The following IRAK2 variants were observed in gnomAD, a reference collection of about 807,000 sequenced individuals.
IRAK2 encodes the protein interleukin-1 receptor-associated kinase-like 2.
In IRAK2, 57 loss-of-function variants were observed where a neutral mutation model predicts 72.0. The ratio of observed to expected loss-of-function variants is 0.79; its 90% CI spans 0.64 to 0.99. The LOEUF is 0.99. IRAK2 is among the 50% of genes least tolerant of loss of function. The probability of loss-of-function intolerance (pLI) is 0.00; values close to 1 mark genes in which losing one functional copy is unlikely to be tolerated. For missense variants in IRAK2, 790 were observed against 794.4 expected (o/e 0.99, Z 0.07); for synonymous variants, 293 against 312.7 (o/e 0.94, Z 0.67).
At chr3:10,183,677 C>T (rs1193510649) in intron 2 of IRAK2, among the ~76,000 whole-genome samples, 1 of 152,090 alleles carries the variant, frequency 6.6e-6, no homozygotes, top group African/African-American at 2.4e-5. Context: ...GCCAAGATGG[C>T]ACCACTGCAC....
intron 7 of IRAK2, among the ~76,000 whole-genome samples, chr3:10,218,446 C>CAAA (rs367761619): frequency 0.049 from 6,468 of 131,672 alleles, 499 homozygotes; most frequent in African/African-American, 0.1. Context: ...AAAAAAAAAA[C>CAAA]CAAAACGGTG....
chr3:10,199,982 G>A (rs1164359861), intron 2 of IRAK2, among the ~76,000 whole-genome samples: 3 of 148,710 alleles, frequency 2.0e-5, no homozygotes, highest in Non-Finnish European at 3.0e-5. Flanking sequence ...CCGCCTCCCC[G>A]GTTCAAGTGA....
chr3:10,171,683 GC>G (rs146979890), intron 1 of IRAK2, among the ~76,000 whole-genome samples: 27,518 of 149,330 alleles, frequency 0.18, 2,943 homozygotes, highest in Admixed American at 0.27. Flanking sequence ...ATTTCTTGAA[GC>G]CAAGAGTTTG....
At chr3:10,176,663 G>C (rs1283847382) in intron 1 of IRAK2, among the ~76,000 whole-genome samples, 2 of 149,620 alleles carry the variant, frequency 1.3e-5, no homozygotes, top group Non-Finnish European at 3.0e-5. Context: ...ATTTTTAGTA[G>C]AGACGAGGTT....
chr3:10,217,725 C>T (rs533697276), intron 7 of IRAK2, among the ~76,000 whole-genome samples: 1 of 152,258 alleles, frequency 6.6e-6, no homozygotes, highest in Admixed American at 6.5e-5. Context: ...TAAAACAGGT[C>T]TTCTGCTTAT....
chr3:10,183,720 AAAATAAAT>A (rs71055805), intron 2 of IRAK2, among the ~76,000 whole-genome samples: 1 of 151,004 alleles, frequency 6.6e-6, no homozygotes, highest in Non-Finnish European at 1.5e-5. Context: ...ACTCCGTCTC[AAAATAAAT>A]AAATAAATAA....
intron 1 of IRAK2, among the ~76,000 whole-genome samples, chr3:10,165,816 C>T (rs1295619857): frequency 6.6e-6 from 1 of 151,078 alleles, no homozygotes; most frequent in Non-Finnish European, 1.5e-5. Context: ...TTGCAAGCTC[C>T]GCCTCCCGGG....
chr3:10,220,661 G>T (rs1475465861), intron 8 of IRAK2, among the ~76,000 whole-genome samples: 1 of 151,912 alleles, frequency 6.6e-6, no homozygotes, highest in Non-Finnish European at 1.5e-5. Context: ...GGCTAGTGTC[G>T]AACTCCTGAC....
At position 10,213,288 on chromosome 3, in the gene IRAK2, G is replaced by A. The variant is rs1559448715; in HGVS notation, c.610G>A (p.Val204Ile). Residue 204 changes from valine (V) to isoleucine (I), a missense_variant, in exon 5 of 13, where the codon GTC becomes ATC. Physicochemically the swap from Val to Ile is conservative, Grantham distance 29. Transcript: ENST00000256458. ...DSLFWSEADV[V>I]QATDDFNQNR... is the part of the protein sequence containing the mutation. Reference sequence around the variant, plus strand: ...CCTTTTCTGGAGTGAGGCAGACGTGGTCCAGGCAACCGATGACTTCAATCA... The same window carrying A: ...CCTTTTCTGGAGTGAGGCAGACGTGATCCAGGCAACCGATGACTTCAATCA... 2.5e-6 allele frequency: 4 copies of A among 1,614,144 alleles called. No homozygotes were observed. Among genetic ancestry groups the A allele is most frequent in the Admixed American group, 1.7e-5 (1 of 60,020 alleles).
At chr3:10,231,095 C>T (rs1022446196) in intron 10 of IRAK2, among the ~76,000 whole-genome samples, 1 of 152,004 alleles carries the variant, frequency 6.6e-6, no homozygotes, top group Non-Finnish European at 1.5e-5. Flanking sequence ...GGTCTTGTTA[C>T]GTTGCCCAGG....
intron 2 of IRAK2, among the ~76,000 whole-genome samples, chr3:10,178,981 TTG>T (rs1468370845): frequency 2.0e-5 from 3 of 152,132 alleles, no homozygotes; most frequent in Non-Finnish European, 4.4e-5. Flanking sequence ...TTTCATTTTT[TTG>T]TAGAGATCCA....
chr3:10,224,736 C>CCACCTACCCACA (rs1559451654), intron 9 of IRAK2, among the ~76,000 whole-genome samples: 16 of 58,464 alleles, frequency 2.7e-4, no homozygotes, highest in South Asian at 5.9e-4. Context: ...ACCCATCCAT[C>CCACCTACCCACA]CATCCATCCA....
intron 10 of IRAK2, among the ~76,000 whole-genome samples, chr3:10,226,694 G>A (rs1040807033): frequency 2.6e-5 from 4 of 151,944 alleles, no homozygotes; most frequent in Admixed American, 1.3e-4. Flanking sequence ...GATGTGGGTG[G>A]ATCATTTGAG....
At chr3:10,241,202 G>A (rs563819253) in intron 12 of IRAK2, among the ~76,000 whole-genome samples, 3 of 151,004 alleles carry the variant, frequency 2.0e-5, no homozygotes, top group Non-Finnish European at 4.4e-5. Flanking sequence ...TTGAGCCCAG[G>A]AGTATAAAGA....
chr3:10,187,312 A>G (rs1697091319), intron 2 of IRAK2, among the ~76,000 whole-genome samples: 2 of 152,116 alleles, frequency 1.3e-5, no homozygotes, highest in African/African-American at 4.8e-5. Flanking sequence ...TCTGGCAAAG[A>G]CTAGTTGAAA....
chr3:10,183,126 T>C (rs911052837), intron 2 of IRAK2, among the ~76,000 whole-genome samples: 3 of 152,198 alleles, frequency 2.0e-5, no homozygotes, highest in Non-Finnish European at 4.4e-5. Context: ...AAAACAGTAC[T>C]TGAAAGCCCC....
intron 8 of IRAK2, among the ~76,000 whole-genome samples, chr3:10,222,200 T>G (rs1041031215): frequency 6.6e-6 from 1 of 152,202 alleles, no homozygotes; most frequent in Non-Finnish European, 1.5e-5. Flanking sequence ...GAGGGAATTT[T>G]TTTTTCTTTC....
chr3:10,174,923 T>A (rs533464208), intron 1 of IRAK2, among the ~76,000 whole-genome samples: 28 of 121,522 alleles, frequency 2.3e-4, no homozygotes, highest in Admixed American at 1.8e-3. Context: ...CAGTGGTTCA[T>A]GCCTGTACCA....
intron 2 of IRAK2, among the ~76,000 whole-genome samples, chr3:10,184,984 G>A (rs1476704742): frequency 6.6e-6 from 1 of 150,674 alleles, no homozygotes; most frequent in Non-Finnish European, 1.5e-5. Context: ...GCCCGCCTTG[G>A]CCTCCCAAAG....
Sources: gnomAD v4.1 joint callset for allele counts (sites outside exome capture counted in the v4.1 genomes callset) on GRCh38, gnomAD v4.1.1 for gene constraint, MANE v1.5 for transcripts, NCBI Gene and HGNC (gene_info 2026-07-23, HGNC 2026-07-21) for gene names.